MUCL1: variants seen among roughly 807,000 people sequenced by gnomAD.
MUCL1 encodes mucin like 1, also known as mucin-like protein 1.
A neutral mutation model predicts 9.2 loss-of-function variants in MUCL1; 11 were observed. The ratio of observed to expected loss-of-function variants is 1.19; its 90% CI spans 0.75 to 1.97. The LOEUF is 1.97. MUCL1 is among the 30% of genes most tolerant of loss of function. MUCL1 has a pLI of 0.00. For missense variants in MUCL1, 144 were observed against 110.9 expected (o/e 1.30, Z -1.34); for synonymous variants, 48 against 40.5 (o/e 1.19, Z -0.71).
chr12:54,858,255 T>C lies in MUCL1; in HGVS notation c.*13T>C, dbSNP rs1274402925. The C allele has an allele frequency of 1.2e-6, 2 of 1,613,466 alleles. No individual in the cohort carries two copies. Among genetic ancestry groups the C allele is most frequent in the African/African-American group, 1.3e-5 (1 of 74,998 alleles). ...AGTGTGTCCCTGAGATGGAATCAGC[T>C]TGAGTCTTCTGCAATTGGTCACAAC... On this transcript the variant is annotated 3_prime_UTR_variant, in exon 4 of 4. Coordinates refer to ENST00000308796, the MANE Select transcript of MUCL1 (RefSeq NM_058173.3).
intron 2 of MUCL1, among the ~76,000 whole-genome samples, chr12:54,855,905 T>C (rs2135946982): frequency 6.6e-6 from 1 of 152,342 alleles, no homozygotes; most frequent in Admixed American, 6.5e-5. Context: ...ATTTAAAAAA[T>C]ATTTTCTCTC....
At chr12:54,846,551 T>C (rs1174799771) in intron 1 of MUCL1, among the ~76,000 whole-genome samples, 2 of 152,102 alleles carry the variant, frequency 1.3e-5, no homozygotes, top group African/African-American at 4.8e-5. Context: ...GGGAAAAAGA[T>C]AGGGCAATGA....
upstream of MUCL1, among the ~76,000 whole-genome samples, chr12:54,852,581 C>A (rs10876634): frequency 0.38 from 57,158 of 152,070 alleles, 12,714 homozygotes; most frequent in East Asian, 0.84. Flanking sequence ...ATCCACTGTG[C>A]AGTTTTGATC....
At chr12:54,844,802 A>G (rs1959234509) in intron 1 of MUCL1, among the ~76,000 whole-genome samples, 1 of 152,146 alleles carries the variant, frequency 6.6e-6, no homozygotes, top group Admixed American at 6.6e-5. Context: ...TACATGTTTT[A>G]TGTTTTTGTT....
chr12:54,836,572 A>T (rs75084451), upstream of MUCL1, among the ~76,000 whole-genome samples: 7,587 of 151,888 alleles, frequency 0.05, 378 homozygotes, highest in African/African-American at 0.12. Flanking sequence ...TATTTGTTTC[A>T]ATTTCATTCA....
At chr12:54,857,269 T>TGTGTGTGTGTG (rs1868308279) in intron 3 of MUCL1, among the ~76,000 whole-genome samples, 7 of 150,868 alleles carry the variant, frequency 4.6e-5, no homozygotes, top group Non-Finnish European at 1.0e-4. Context: ...TGTGTGTGTG[T>TGTGTGTGTGTG]TTAAATCAGG....
At chr12:54,855,793 T>C (rs531235530) in intron 2 of MUCL1, among the ~76,000 whole-genome samples, 18 of 152,280 alleles carry the variant, frequency 1.2e-4, no homozygotes, top group African/African-American at 3.8e-4. Flanking sequence ...GTTAAGGGGG[T>C]CTGTCTTTAT....
At chr12:54,854,512 A>T, upstream of MUCL1, 1 of 1,243,448 alleles carries the variant, frequency 8.0e-7, no homozygotes, top group Non-Finnish European at 1.2e-6. Flanking sequence ...GGAATCCTGA[A>T]GTCAGCGCCT....
At chr12:54,856,061 T>G (rs556676587) in intron 2 of MUCL1, among the ~76,000 whole-genome samples, 5 of 152,224 alleles carry the variant, frequency 3.3e-5, no homozygotes, top group South Asian at 2.1e-4. Flanking sequence ...GAGAGAGAGA[T>G]AATTTTCAAA....
chr12:54,843,469 T>G (rs1224725571), intron 1 of MUCL1, among the ~76,000 whole-genome samples: 1 of 152,202 alleles, frequency 6.6e-6, no homozygotes, highest in Non-Finnish European at 1.5e-5. Context: ...GAAACCTGCA[T>G]TTATGTTAGA....
At chr12:54,854,063 A>G (rs1460469933), upstream of MUCL1, among the ~76,000 whole-genome samples, 1 of 118,086 alleles carries the variant, frequency 8.5e-6, no homozygotes, top group Admixed American at 9.6e-5. Context: ...CGAAGAATGC[A>G]CAGCCTGAGT....
chr12:54,834,846 C>T (rs556678188), upstream of MUCL1, among the ~76,000 whole-genome samples: 5 of 151,984 alleles, frequency 3.3e-5, no homozygotes, highest in East Asian at 9.7e-4. Flanking sequence ...CACCTGTCAC[C>T]CGAGCAGTGT....
upstream of MUCL1, among the ~76,000 whole-genome samples, chr12:54,836,362 A>C (rs1424088622): frequency 6.6e-6 from 1 of 151,978 alleles, no homozygotes; most frequent in African/African-American, 2.4e-5. Context: ...TTTCCTCTAG[A>C]TTTTCTAGTT....
intron 1 of MUCL1, chr12:54,839,579 G>T (rs557941165): frequency 6.1e-5 from 42 of 686,030 alleles, no homozygotes; most frequent in African/African-American, 5.6e-4. Context: ...CTCCTGTCAA[G>T]TCGCAGGAAA....
At chr12:54,850,579 T>A (rs1443300999), upstream of MUCL1, among the ~76,000 whole-genome samples, 2 of 152,092 alleles carry the variant, frequency 1.3e-5, no homozygotes, top group Non-Finnish European at 2.9e-5. Flanking sequence ...TTTGGGTTGG[T>A]TCCAAGTCTT....
intron 1 of MUCL1, among the ~76,000 whole-genome samples, chr12:54,842,650 A>G (rs994703506): frequency 6.6e-6 from 1 of 152,108 alleles, no homozygotes; most frequent in Non-Finnish European, 1.5e-5. Flanking sequence ...GAAACTTTGT[A>G]TCTTTTGACC....
At chr12:54,849,816 A>G (rs1489284866), upstream of MUCL1, among the ~76,000 whole-genome samples, 1 of 152,192 alleles carries the variant, frequency 6.6e-6, no homozygotes, top group Non-Finnish European at 1.5e-5. Flanking sequence ...TCTTAAAGTG[A>G]TAATATTAAA....
chr12:54,847,628 C>CAACAA (rs1302325490), intron 1 of MUCL1, among the ~76,000 whole-genome samples: 3 of 151,986 alleles, frequency 2.0e-5, no homozygotes, highest in Non-Finnish European at 2.9e-5. Flanking sequence ...CAAAACAAAA[C>CAACAA]AACAAAACAA....
chr12:54,855,774 C>T (rs1476713731), intron 2 of MUCL1, among the ~76,000 whole-genome samples: 2 of 152,202 alleles, frequency 1.3e-5, no homozygotes, highest in Non-Finnish European at 2.9e-5. Context: ...GTGTTGTGCC[C>T]ATGCACAAGT....
Sources: allele counts gnomAD v4.1 joint callset (sites outside exome capture counted in the v4.1 genomes callset), GRCh38; gene constraint gnomAD v4.1.1; transcripts MANE v1.5; gene names NCBI Gene and HGNC (gene_info 2026-07-23, HGNC 2026-07-21).